CXXC4: variants seen among roughly 807,000 people sequenced by gnomAD.
The protein encoded by CXXC4 is CXXC finger protein 4, also known as CXXC-type zinc finger protein 4.
In CXXC4, 5 loss-of-function variants were observed where a neutral mutation model predicts 20.5. The ratio of observed to expected loss-of-function variants is 0.24; its 90% CI spans 0.13 to 0.51. The LOEUF is 0.51. CXXC4 is among the 20% of genes least tolerant of loss of function. CXXC4 has a pLI of 0.97. For missense variants in CXXC4, 419 were observed against 496.4 expected (o/e 0.84, Z 1.48); for synonymous variants, 250 against 216.4 (o/e 1.16, Z -1.36).
chr4:104,491,116 G>A lies in CXXC4; in HGVS notation c.687C>T (p.Leu229=), dbSNP rs769208271. 4 of 1,613,982 alleles carry A rather than the reference G, an allele frequency of 2.5e-6. No homozygotes were observed. The highest frequency in any genetic ancestry group is 1.7e-6 in the Non-Finnish European group (2 of 1,180,030). ...CGGAAAAAGTCCCCACGCGCTCGGG[G>A]AGATTCATTATCTCTGCTTCAGCAG... ...CGAAEAEIMN[L]PERVGTFSAI... is the part of the protein sequence containing the mutation. The change falls in exon 2 of 3, where the codon CTC becomes CTT. Residue 229 remains leucine, a synonymous_variant. Transcript: ENST00000394767.
intron 2 of CXXC4, among the ~76,000 whole-genome samples, chr4:104,484,253 C>T (rs1436873687): frequency 6.6e-6 from 1 of 151,970 alleles, no homozygotes; most frequent in Admixed American, 6.6e-5. Flanking sequence ...ATATTACTTT[C>T]ATCTTATTGA....
intron 1 of CXXC4, among the ~76,000 whole-genome samples, chr4:104,493,170 AG>A (rs1369657658): frequency 6.6e-6 from 1 of 152,202 alleles, no homozygotes; most frequent in Non-Finnish European, 1.5e-5. Context: ...CCTTGCTTAC[AG>A]GCCATTATTA....
intron 2 of CXXC4, among the ~76,000 whole-genome samples, chr4:104,485,950 G>A (rs968305951): frequency 9.2e-5 from 14 of 152,028 alleles, no homozygotes; most frequent in South Asian, 8.3e-4. Context: ...AAAGCCACAC[G>A]ACTTTTATTT....
rs4413407 is a variant in CXXC4, at chr4:104,472,204, A to G, written c.*118T>C. The stretch of plus-strand genomic sequence containing the variant: ...TTTTTTTTTGAAGAAAGCCCTATAC[A>G]TAAAATGAAAATAATTTCTGGATAT... On this transcript the variant is annotated 3_prime_UTR_variant, in exon 3 of 3. Transcript: ENST00000394767. The G allele has an allele frequency of 0.65, 332,123 of 507,912 alleles. 114,112 individuals carry two copies. The highest frequency in any genetic ancestry group is 0.92 in the African/African-American group (45,005 of 48,914). 31.5% of individuals were successfully genotyped at this position (507,912 alleles called of 1,614,324 possible). A position where few individuals can be genotyped will look rare whatever the true frequency, so the allele number is the denominator to read the frequency against.
At chr4:104,483,388 T>C (rs1221717428) in intron 2 of CXXC4, among the ~76,000 whole-genome samples, 1 of 151,972 alleles carries the variant, frequency 6.6e-6, no homozygotes, top group African/African-American at 2.4e-5. Context: ...TTCTCATCTT[T>C]CTTGGTCAGC....
At chr4:104,473,058 A>C (rs1380951998) in intron 2 of CXXC4, among the ~76,000 whole-genome samples, 1 of 148,406 alleles carries the variant, frequency 6.7e-6, no homozygotes, top group Non-Finnish European at 1.5e-5. Context: ...AGAAATCACA[A>C]TATATATATA....
chr4:104,492,532 G>A (rs990572111), intron 1 of CXXC4, among the ~76,000 whole-genome samples: 1 of 152,106 alleles, frequency 6.6e-6, no homozygotes, highest in African/African-American at 2.4e-5. Flanking sequence ...AAATGAACAG[G>A]AAATTAGCAA....
chr4:104,490,209 G>C (rs958815557), intron 2 of CXXC4, among the ~76,000 whole-genome samples: 1 of 152,146 alleles, frequency 6.6e-6, no homozygotes, highest in Non-Finnish European at 1.5e-5. Flanking sequence ...AATGATTCTA[G>C]AAAAGGGTAG....
chr4:104,474,116 A>T (rs1009488989), intron 2 of CXXC4, among the ~76,000 whole-genome samples: 10 of 151,898 alleles, frequency 6.6e-5, no homozygotes, highest in African/African-American at 2.4e-4. Flanking sequence ...CTATCTTCCT[A>T]CTCCAAGTCT....
Position 104,491,814 on chromosome 4 carries a change from G to A in CXXC4, c.-12C>T. The A allele has an allele frequency of 7.1e-7, 1 of 1,399,580 alleles. No individual in the cohort carries two copies. Among genetic ancestry groups the A allele is most frequent in the African/African-American group, 1.5e-5 (1 of 66,568 alleles). The allele number at this position is 1,399,580 out of a possible 1,614,324, so 86.7% of individuals were successfully genotyped here. ...ACATTGGTGTTCATGGTGCAGGGGG[G>A]GAAGAAGGGGTGCAGGGTGGAAGTG... On this transcript the variant is annotated 5_prime_UTR_variant, in exon 2 of 3. Transcript: ENST00000394767.
chr4:104,480,839 C>G (rs1736539095), intron 2 of CXXC4, among the ~76,000 whole-genome samples: 1 of 151,522 alleles, frequency 6.6e-6, no homozygotes, highest in Admixed American at 6.6e-5. Flanking sequence ...TCTTCCTTGC[C>G]TTTATCTTCC....
chr4:104,472,442 C>G (rs773103551), intron 2 of CXXC4, 76 bp from the exon 3 acceptor site: 49 of 1,026,538 alleles, frequency 4.8e-5, no homozygotes, highest in Non-Finnish European at 7.2e-5. Context: ...CTCCTTTACA[C>G]TTCAGCAATA....
At position 104,472,244 on chromosome 4, in the gene CXXC4, G is replaced by A; in HGVS notation, c.*78C>T. On this transcript the variant is annotated 3_prime_UTR_variant, in exon 3 of 3. Coordinates refer to ENST00000394767, the MANE Select transcript of CXXC4 (RefSeq NM_025212.4). ...TTTCTGGATATTTTCTTCAGTGGTG[G>A]ACTAAGCAGTTTCTTAAAACAAGAC... 1.2e-6 allele frequency: 1 copy of A among 832,628 alleles called. No homozygotes were observed. The highest frequency in any genetic ancestry group is 1.9e-6 in the Non-Finnish European group (1 of 517,778). 51.6% of individuals were successfully genotyped at this position (832,628 alleles called of 1,614,324 possible).
chr4:104,486,716 G>T (rs575530749), intron 2 of CXXC4, among the ~76,000 whole-genome samples: 1 of 152,190 alleles, frequency 6.6e-6, no homozygotes, highest in African/African-American at 2.4e-5. Context: ...TTTATCCATA[G>T]ATTTTTTTGT....
Position 104,491,325 on chromosome 4 carries a change from C to A in CXXC4, c.478G>T (p.Gly160Cys), listed in dbSNP as rs370109633. 1 of 1,549,114 alleles carries A rather than the reference C, an allele frequency of 6.5e-7. No homozygotes were observed. Among genetic ancestry groups the A allele is most frequent in the South Asian group, 1.2e-5 (1 of 83,948 alleles). The part of the protein sequence containing the change: ...SAILPAGGGG[G>C]GGGGGSRTSM... ...GTCCTGCTGCCGCCGCCGCCGCCGCCGCCGCCACCGCCGGCGGGGAGGATC... is the reference window on the plus strand; with the variant it reads ...GTCCTGCTGCCGCCGCCGCCGCCGCAGCCGCCACCGCCGGCGGGGAGGATC... Residue 160 changes from glycine (G) to cysteine (C), a missense_variant, in exon 2 of 3, where the codon GGC becomes TGC. By Grantham distance (159) the Gly-to-Cys change is radical (BLOSUM62 -3). Coordinates refer to ENST00000394767, the MANE Select transcript of CXXC4 (RefSeq NM_025212.4).
At chr4:104,475,573 C>T (rs1442004048) in intron 2 of CXXC4, among the ~76,000 whole-genome samples, 1 of 152,104 alleles carries the variant, frequency 6.6e-6, no homozygotes, top group Non-Finnish European at 1.5e-5. Context: ...TAAGTTTGTA[C>T]TAATTTGAGG....
intron 2 of CXXC4, among the ~76,000 whole-genome samples, chr4:104,485,807 A>G (rs1736674964): frequency 6.6e-6 from 1 of 152,052 alleles, no homozygotes; most frequent in South Asian, 2.1e-4. Context: ...AGGCTATTTT[A>G]TTAAATTGTT....
chr4:104,476,048 T>C (rs913653506), intron 2 of CXXC4, among the ~76,000 whole-genome samples: 4 of 152,112 alleles, frequency 2.6e-5, no homozygotes, highest in Middle Eastern at 3.2e-3. Context: ...CAACACTATC[T>C]TCAAGTCTAA....
intron 2 of CXXC4, among the ~76,000 whole-genome samples, chr4:104,472,870 T>A (rs980978471): frequency 6.6e-6 from 1 of 151,970 alleles, no homozygotes. Context: ...ATTTATTTTG[T>A]ATTTTTGTAT....
Sources: allele counts gnomAD v4.1 joint callset (sites outside exome capture counted in the v4.1 genomes callset), GRCh38; gene constraint gnomAD v4.1.1; transcripts MANE v1.5; gene names NCBI Gene and HGNC (gene_info 2026-07-23, HGNC 2026-07-21).